Variants in LARS1 observed in about 807,000 individuals in gnomAD.
The protein encoded by LARS1 is leucyl-tRNA synthetase 1, also known as leucine--tRNA ligase, cytoplasmic.
Under a neutral mutation model 162.8 loss-of-function variants are expected in LARS1, and 100 were observed. The observed-to-expected ratio is 0.61, with a 90% CI of 0.52 to 0.73. LARS1 has a LOEUF of 0.73. LARS1 is among the 30% of genes least tolerant of loss of function. The probability of loss-of-function intolerance (pLI) is 0.00; values close to 1 mark genes in which losing one functional copy is unlikely to be tolerated. For missense variants in LARS1, 1,258 were observed against 1,408.9 expected, an observed-to-expected ratio of 0.89 and a Z score of 1.71; for synonymous variants, 457 against 462.8, an observed-to-expected ratio of 0.99 and a Z score of 0.16.
chr5:146,132,746 C>A, intron 23 of LARS1, 152 bp downstream of exon 23: 1 of 581,850 alleles, frequency 1.7e-6, no homozygotes, highest in Non-Finnish European at 2.9e-6. Context: ...TAGCATAGTA[C>A]CCGGCACAAG....
chr5:146,180,395 A>G (rs1754783683), intron 1 of LARS1, among the ~76,000 whole-genome samples: 1 of 152,124 alleles, frequency 6.6e-6, no homozygotes, highest in African/African-American at 2.4e-5. Flanking sequence ...TTAGCAGCGC[A>G]TGGTGGCGCA....
Position 146,182,583 on chromosome 5 carries a change from T to C in LARS1, c.-90A>G. ...TTACCTTTCCCCTCCCTCTCGGGGA[T>C]GCCAGGCCTCCCACGAAACTAAAGC... On this transcript the variant is annotated 5_prime_UTR_variant, in exon 1 of 32. Transcript: ENST00000394434. 6 of 1,540,724 alleles carry C rather than the reference T, an allele frequency of 3.9e-6. No homozygotes were observed. Among genetic ancestry groups the C allele is most frequent in the Admixed American group, 1.7e-5 (1 of 59,714 alleles).
Position 146,174,902 on chromosome 5 carries a change from A to G in LARS1, c.126-2128T>C, listed in dbSNP as rs368472669. Among the ~76,000 whole-genome samples the G allele has an allele frequency of 1.6e-4, 24 of 151,956 alleles. 1 individual carries two copies. The highest frequency in any genetic ancestry group is 5.8e-4 in the African/African-American group (24 of 41,456). ...AGTTCAAGACTAGCCTGGGCAAGAC[A>G]GTGAAACTTCATTTCTACAAAAGAA... is the stretch of plus-strand genomic sequence containing the variant. On this transcript the variant is annotated intron_variant, in intron 2 of 31. Coordinates refer to ENST00000394434, the MANE Select transcript of LARS1 (RefSeq NM_020117.11).
At chr5:146,138,044 C>T (rs1752588346) in intron 21 of LARS1, 1 of 151,722 alleles carries the variant, frequency 6.6e-6, no homozygotes, top group African/African-American at 2.4e-5. Context: ...TGCTTGAATC[C>T]GGAAGGTGGA....
At chr5:146,153,253 C>T (rs1753371752) in intron 12 of LARS1, 26 bp from the exon 13 acceptor site, 1 of 1,518,124 alleles carries the variant, frequency 6.6e-7, no homozygotes, top group Admixed American at 1.7e-5. Flanking sequence ...CAAGTTAACA[C>T]TAATGATCAA....
At chr5:146,115,628 A>G (rs1764174870) in intron 31 of LARS1, among the ~76,000 whole-genome samples, 1 of 149,586 alleles carries the variant, frequency 6.7e-6, no homozygotes, top group Non-Finnish European at 1.5e-5. Context: ...CTCTTGAACA[A>G]CTTTGTAAGT....
At chr5:146,155,554 C>T (rs1753488285) in intron 10 of LARS1, among the ~76,000 whole-genome samples, 1 of 152,186 alleles carries the variant, frequency 6.6e-6, no homozygotes, top group Admixed American at 6.5e-5. Flanking sequence ...CAGATGGCAA[C>T]AAAGAATTTG....
At chr5:146,163,547 G>A (rs1388843478) in intron 6 of LARS1, among the ~76,000 whole-genome samples, 1 of 152,024 alleles carries the variant, frequency 6.6e-6, no homozygotes, top group South Asian at 2.1e-4. Flanking sequence ...TTAGCCAGGC[G>A]TGTTGGCAGA....
Position 146,125,775 on chromosome 5 carries a change from T to C in LARS1, c.2991+660A>G, listed in dbSNP as rs376472331. On this transcript the variant is annotated intron_variant, in intron 28 of 31. Coordinates refer to ENST00000394434, the MANE Select transcript of LARS1 (RefSeq NM_020117.11). ...GGTTTCTTTTTGTCAAGAAATCCAGTAATACATCAGCGACGTATATGAAGA... is the reference window on the plus strand; with the variant it reads ...GGTTTCTTTTTGTCAAGAAATCCAGCAATACATCAGCGACGTATATGAAGA... Among the ~76,000 whole-genome samples, 139 of 152,168 alleles carry C rather than the reference T, an allele frequency of 9.1e-4. 5 individuals are homozygous for C. The South Asian group carries it at 0.028, about 30-fold the overall frequency.
Position 146,114,297 on chromosome 5 carries a change from T to TC in LARS1, c.3339dup (p.Lys1114GlufsTer6). On this transcript the variant is annotated frameshift_variant, in exon 32 of 32. Coordinates refer to ENST00000394434, the MANE Select transcript of LARS1 (RefSeq NM_020117.11). LOFTEE classifies it high-confidence loss of function. ...AGTGGATCATCAAATCTCATCAGTT[T>TC]CACTTTGGAAAGGTCTACAACAAAA... 1.2e-6 allele frequency: 2 copies of TC among 1,613,850 alleles called. No individual in the cohort carries two copies. The highest frequency in any genetic ancestry group is 2.7e-5 in the African/African-American group (2 of 74,950).
chr5:146,129,149 C>A, intron 25 of LARS1, 31 bp from the exon 26 acceptor site: 1 of 1,542,572 alleles, frequency 6.5e-7, no homozygotes, highest in Non-Finnish European at 8.8e-7. Context: ...AAAAAACCTT[C>A]AGTGAGATTA....
rs368838241 is a variant in LARS1 at position 146,122,557 on chromosome 5, C to T, written c.3127G>A (p.Glu1043Lys). Reference sequence around the variant, plus strand: ...TCTTCCCTGATTTTATCTTCTGCTTCGGAGGCAAACTTGACTTCTATGTGT... The same window carrying T: ...TCTTCCCTGATTTTATCTTCTGCTTTGGAGGCAAACTTGACTTCTATGTGT... Reference protein sequence around the residue: ...LEHIEVKFASEAEDKIREDCC... With the variant: ...LEHIEVKFASKAEDKIREDCC... Residue 1043 changes from glutamate to lysine, a missense_variant, in exon 30 of 32, where the codon GAA becomes AAA. Physicochemically the swap from Glu to Lys is moderately conservative, Grantham distance 56 (BLOSUM62 1). Transcript: ENST00000394434. The T allele has an allele frequency of 1.4e-5, 22 of 1,609,562 alleles. No homozygotes were observed. The highest frequency in any genetic ancestry group is 6.7e-5 in the African/African-American group (5 of 74,850).
chr5:146,140,833 A>G (rs901730294), intron 20 of LARS1, among the ~76,000 whole-genome samples: 3 of 152,180 alleles, frequency 2.0e-5, no homozygotes, highest in Admixed American at 2.0e-4. Context: ...ACACACACAC[A>G]TATAAATATA....
chr5:146,158,600 ACTT>A (rs1247660792), intron 8 of LARS1, among the ~76,000 whole-genome samples: 1 of 152,206 alleles, frequency 6.6e-6, no homozygotes, highest in African/African-American at 2.4e-5. Context: ...ATTAGAATGA[ACTT>A]CTAGGCATGG....
At chr5:146,120,328 T>C in intron 31 of LARS1, 43 bp downstream of exon 31, 1 of 1,607,018 alleles carries the variant, frequency 6.2e-7, no homozygotes, top group Non-Finnish European at 8.5e-7. Flanking sequence ...ACTCACCAAA[T>C]CTACAAGCTA....
chr5:146,160,225 G>A, intron 7 of LARS1, 149 bp downstream of exon 7: 1 of 402,510 alleles, frequency 2.5e-6, no homozygotes, highest in East Asian at 4.5e-5. Flanking sequence ...ATAAAGAGAT[G>A]TGGTCTCGCT....
Position 146,126,473 on chromosome 5 carries a change from A to G in LARS1, c.2953T>C (p.Tyr985His). The change falls in exon 28 of 32, where the codon TAC (tyrosine) becomes CAC (histidine). Residue 985 changes from tyrosine (Y) to histidine (H), a missense_variant. Physicochemically the swap from Tyr to His is moderately conservative, Grantham distance 83 (BLOSUM62 2). Coordinates refer to ENST00000394434, the MANE Select transcript of LARS1 (RefSeq NM_020117.11). ...ELGSMPELKK[Y>H]MKKVMPFVAM... ...ACAAATGGCATGACTTTCTTCATGT[A>G]TTTCTTCAGTTCTGGCATACTGCCT... 1 of 1,612,228 alleles carries G rather than the reference A, an allele frequency of 6.2e-7. No individual in the cohort carries two copies.
rs762203711 is a variant in LARS1, at chr5:146,144,251, T to C, written c.1738+16A>G. 3 of 1,585,442 alleles carry C rather than the reference T, an allele frequency of 1.9e-6. No homozygotes were observed. Among genetic ancestry groups the C allele is most frequent in the East Asian group, 2.2e-5 (1 of 44,676 alleles). On this transcript the variant is annotated intron_variant, in intron 18 of 31. Transcript: ENST00000394434. ...TGGCAAAGTTATCCAAACAGAAAAATTTCAAGTTTGTTTACCTAGACCATA... is the reference window on the plus strand; with the variant it reads ...TGGCAAAGTTATCCAAACAGAAAAACTTCAAGTTTGTTTACCTAGACCATA...
At chr5:146,131,486 G>GGTTTTTTTT (rs1561802916) in intron 23 of LARS1, 1 of 119,458 alleles carries the variant, frequency 8.4e-6, no homozygotes. Context: ...TTGTAGCCAA[G>GGTTTTTTTT]TTTTTTTTTT....
Sources: allele counts gnomAD v4.1 joint callset (sites outside exome capture counted in the v4.1 genomes callset), GRCh38; gene constraint gnomAD v4.1.1; transcripts MANE v1.5; gene names NCBI Gene and HGNC (gene_info 2026-07-23, HGNC 2026-07-21).